Variants in TEX11 observed in about 807,000 individuals in gnomAD.
TEX11 encodes testis-expressed protein 11.
TEX11 carries 7 observed loss-of-function variants against 84.4 expected under a neutral mutation model. That is an observed-to-expected ratio of 0.08 (90% confidence interval 0.05 to 0.16). TEX11 has a LOEUF of 0.16. TEX11 is among the 10% of genes least tolerant of loss of function. TEX11 has a pLI of 1.00. For synonymous variants in TEX11, 264 were observed against 222.8 expected, an observed-to-expected ratio of 1.18 and a Z score of -1.64; for missense variants, 551 against 660.5, an observed-to-expected ratio of 0.83 and a Z score of 1.82.
chrX:70,865,917 A>G (rs754006926), intron 4 of TEX11, among the ~76,000 whole-genome samples: 93 of 112,051 alleles, frequency 8.3e-4, no homozygotes, highest in Non-Finnish European at 1.5e-3. Flanking sequence ...TTACAGCACT[A>G]AATGCCCACA....
intron 2 of TEX11, among the ~76,000 whole-genome samples, chrX:70,890,269 G>A (rs769766993): frequency 8.9e-6 from 1 of 111,909 alleles, no homozygotes; most frequent in Non-Finnish European, 1.9e-5. Context: ...AGCTCCCAAC[G>A]TGATCGACAC....
chrX:70,782,645 C>CAAAAAAAAAAAAAAAAAAAGAAAA (rs2091047596), intron 9 of TEX11, among the ~76,000 whole-genome samples: 1 of 28,903 alleles, frequency 3.5e-5, no homozygotes, highest in Non-Finnish European at 5.0e-5. Flanking sequence ...AAATGGAAAG[C>CAAAAAAAAAAAAAAAAAAAGAAAA]AAAAAAAAAA....
At position 70,904,974 on chromosome X, in the gene TEX11, G is replaced by A. The variant is rs141527032; in HGVS notation, c.37+2779C>T. ...GTTTTTGCACCATGTCAGTTGGACG[G>A]CACTGCCCTAGAGCCTCACCTACCA... On this transcript the variant is annotated intron_variant, in intron 2 of 29. Transcript: ENST00000374333. 6.2e-3 allele frequency among the ~76,000 whole-genome samples: 690 copies of A among 111,844 alleles called. 6 individuals carry two copies. The highest frequency in any genetic ancestry group is 0.021 in the African/African-American group (664 of 30,884).
chrX:70,573,831 A>G (rs2088637276), intron 25 of TEX11, among the ~76,000 whole-genome samples: 1 of 111,783 alleles, frequency 8.9e-6, no homozygotes, highest in Non-Finnish European at 1.9e-5. Flanking sequence ...AATATGTAAT[A>G]TATAATACAT....
chrX:70,640,707 AC>A (rs1410091324), intron 17 of TEX11, among the ~76,000 whole-genome samples: 3 of 109,513 alleles, frequency 2.7e-5, no homozygotes, highest in African/African-American at 6.6e-5. Flanking sequence ...TACTTTACAG[AC>A]AAGCAAATGC....
intron 4 of TEX11, among the ~76,000 whole-genome samples, chrX:70,865,863 C>G (rs1232819171): frequency 8.9e-6 from 1 of 111,849 alleles, no homozygotes; most frequent in Non-Finnish European, 1.9e-5. Flanking sequence ...AGACAACATA[C>G]CAGAATCTCT....
chrX:70,602,906 T>C (rs1437730915), intron 24 of TEX11, among the ~76,000 whole-genome samples: 1 of 73,187 alleles, frequency 1.4e-5, no homozygotes, highest in Non-Finnish European at 2.6e-5. Flanking sequence ...TATACACCAA[T>C]AACAGACAAA....
chrX:70,868,927 CG>C (rs1569458307), intron 4 of TEX11, among the ~76,000 whole-genome samples: 1 of 108,294 alleles, frequency 9.2e-6, no homozygotes, highest in African/African-American at 3.4e-5. Context: ...CTAATGCATG[CG>C]GGGCTTAAAA....
chrX:70,674,215 C>T (rs950879584), intron 15 of TEX11, among the ~76,000 whole-genome samples: 11 of 112,161 alleles, frequency 9.8e-5, no homozygotes, highest in East Asian at 8.4e-4. Context: ...TCAATGTTCC[C>T]GCAAAAGACA....
At chrX:70,530,107 T>C in intron 28 of TEX11, 108 bp from the exon 29 acceptor site, 2 of 621,785 alleles carry the variant, frequency 3.2e-6, no homozygotes. Flanking sequence ...ATAGGAGCTC[T>C]GCTGATGTTT....
At chrX:70,525,612 A>C (rs1385049355), downstream of TEX11, among the ~76,000 whole-genome samples, 2 of 110,137 alleles carry the variant, frequency 1.8e-5, no homozygotes, top group African/African-American at 6.6e-5. Context: ...CATGCCAGGC[A>C]CTGTGCTAGA....
chrX:70,632,167 G>A lies in TEX11; in HGVS notation c.1484-2432C>T, dbSNP rs1054004186. Among the ~76,000 whole-genome samples the A allele has an allele frequency of 2.1e-4, 23 of 108,262 alleles. 1 individual carries two copies. In the Admixed American group the frequency reaches 2.2e-3, roughly 10 times the overall value. 94.0% of individuals were successfully genotyped at this position (108,262 alleles called of 115,157 possible). A position where few individuals can be genotyped will look rare whatever the true frequency, so the allele number is the denominator to read the frequency against. On this transcript the variant is annotated intron_variant, in intron 17 of 29. Transcript: ENST00000374333. ...CATGACATATCAAAATTTGTGTATC[G>A]TCACTAAACAGTAATTAGATGATAA... is the stretch of plus-strand genomic sequence containing the variant.
intron 13 of TEX11, among the ~76,000 whole-genome samples, chrX:70,700,898 C>A (rs73220889): frequency 0.11 from 11,910 of 111,657 alleles, 537 homozygotes; most frequent in Middle Eastern, 0.19. Context: ...AGAAGATCAA[C>A]CCCAGCCACA....
chrX:70,540,233 G>A (rs994831994), intron 28 of TEX11, among the ~76,000 whole-genome samples: 8 of 112,223 alleles, frequency 7.1e-5, no homozygotes, highest in African/African-American at 2.6e-4. Context: ...GAAATGTTAC[G>A]ATACCTGACA....
chrX:70,712,898 G>C (rs2090452480), intron 13 of TEX11, among the ~76,000 whole-genome samples: 1 of 111,479 alleles, frequency 9.0e-6, no homozygotes, highest in African/African-American at 3.3e-5. Flanking sequence ...TCCAGTGTTT[G>C]CCCATTCAGT....
intron 2 of TEX11, among the ~76,000 whole-genome samples, chrX:70,881,328 A>G (rs2091682399): frequency 9.4e-6 from 1 of 106,612 alleles, no homozygotes; most frequent in Non-Finnish European, 1.9e-5. Flanking sequence ...CTGTGTCTCA[A>G]AAAAAAAAAA....
In TEX11 at chrX:70,697,912, C is replaced by T. The variant is rs2090293879; in HGVS notation, c.1005-15087G>A. Among the ~76,000 whole-genome samples the T allele has an allele frequency of 3.6e-5, 4 of 111,573 alleles. No individual in the cohort carries two copies. In the Admixed American group the frequency reaches 3.8e-4, roughly 11 times the overall value. The stretch of plus-strand genomic sequence containing the variant: ...GAACTTGAAAACATGTAATCTGACG[C>T]CAAAGTCCACATTTTAAAATTATTC... On this transcript the variant is annotated intron_variant, in intron 13 of 29. Transcript: ENST00000374333.
intron 28 of TEX11, among the ~76,000 whole-genome samples, chrX:70,530,969 C>T (rs767240198): frequency 2.7e-5 from 3 of 110,609 alleles, no homozygotes; most frequent in African/African-American, 9.9e-5. Flanking sequence ...CAGTCAGAGG[C>T]GGTCTAGTCT....
At chrX:70,633,930 TAAAC>T (rs1386474161) in intron 17 of TEX11, among the ~76,000 whole-genome samples, 1 of 110,986 alleles carries the variant, frequency 9.0e-6, no homozygotes, top group Non-Finnish European at 1.9e-5. Context: ...ACAGGTCTCA[TAAAC>T]AAACAAACAA....
Sources: gnomAD v4.1 joint callset for allele counts (sites outside exome capture counted in the v4.1 genomes callset) on GRCh38, gnomAD v4.1.1 for gene constraint, MANE v1.5 for transcripts, NCBI Gene and HGNC (gene_info 2026-07-23, HGNC 2026-07-21) for gene names.